Variants in KIAA1217 observed in about 807,000 individuals in gnomAD.
KIAA1217 encodes the protein sickle tail protein homolog.
In KIAA1217, 88 loss-of-function variants were observed where a neutral mutation model predicts 163.9. The observed-to-expected ratio is 0.54, with a 90% CI of 0.45 to 0.64. The LOEUF (loss-of-function observed/expected upper bound fraction) is 0.64, where lower values mean the gene tolerates loss of function less well. Ranked by LOEUF, KIAA1217 falls within the 30% of genes least tolerant of loss-of-function variation. KIAA1217 has a pLI of 0.00. For missense variants in KIAA1217, 2,372 were observed against 2,475.0 expected (o/e 0.96, Z 0.88); for synonymous variants, 903 against 923.1 (o/e 0.98, Z 0.39).
chr10:23,817,804 A>G lies in KIAA1217; in HGVS notation c.-321+122570A>G, dbSNP rs542706032. ...GTAATGCAGTTTTTGTATATGAAAT[A>G]TAGGGCCAGATGTGGTGGCTCATAC... is the stretch of plus-strand genomic sequence containing the variant. On this transcript the variant is annotated intron_variant, in intron 1 of 18. Coordinates refer to the KIAA1217 transcript ENST00000376462. Among the ~76,000 whole-genome samples, 4 of 151,426 alleles carry G rather than the reference A, an allele frequency of 2.6e-5. No individual in the cohort carries two copies. The East Asian group carries it at 7.8e-4, about 30-fold the overall frequency.
chr10:24,487,116 CCTTCTCCTT>C (rs1240056569), intron 6 of KIAA1217, among the ~76,000 whole-genome samples: 12 of 152,246 alleles, frequency 7.9e-5, no homozygotes, highest in African/African-American at 2.7e-4. Context: ...AACACTGCTC[CCTTCTCCTT>C]CTTCTTCTCC....
intron 2 of KIAA1217, among the ~76,000 whole-genome samples, chr10:24,169,787 G>A (rs2131910002): frequency 6.6e-6 from 1 of 152,094 alleles, no homozygotes; most frequent in South Asian, 2.1e-4. Context: ...GTCATCATCT[G>A]GTTTCCATGG....
Position 23,791,747 on chromosome 10 carries a change from G to A in KIAA1217, c.-321+96513G>A, listed in dbSNP as rs191645996. ...CATATTGAAAAATATCTTTTTAGTA[G>A]TTGCATTTTACAAGGCAACTGCTAG... On this transcript the variant is annotated intron_variant, in intron 1 of 18. Transcript: ENST00000376462. Among the ~76,000 whole-genome samples, 24 of 152,232 alleles carry A rather than the reference G, an allele frequency of 1.6e-4. No individual in the cohort carries two copies. In the East Asian group the frequency reaches 4.6e-3, roughly 29 times the overall value.
At chr10:24,343,681 A>G (rs2047377238) in intron 2 of KIAA1217, among the ~76,000 whole-genome samples, 1 of 152,174 alleles carries the variant, frequency 6.6e-6, no homozygotes, top group South Asian at 2.1e-4. Flanking sequence ...CATATTAAGC[A>G]TTGTTTGTGT....
intron 2 of KIAA1217, among the ~76,000 whole-genome samples, chr10:24,232,962 A>AAG (rs68176721): frequency 6.9e-6 from 1 of 145,134 alleles, no homozygotes; most frequent in Non-Finnish European, 1.5e-5. Flanking sequence ...AAAAAAAAAA[A>AAG]GAATAAAGAA....
At chr10:23,927,643 T>G (rs1238275816) in intron 1 of KIAA1217, among the ~76,000 whole-genome samples, 1 of 152,102 alleles carries the variant, frequency 6.6e-6, no homozygotes, top group Non-Finnish European at 1.5e-5. Context: ...GGTTATATAT[T>G]TTCAGGATGA....
intron 1 of KIAA1217, among the ~76,000 whole-genome samples, chr10:23,782,553 C>T (rs1488440751): frequency 6.6e-6 from 1 of 152,188 alleles, no homozygotes; most frequent in Non-Finnish European, 1.5e-5. Context: ...CTGCCTCAGT[C>T]TCCCAAGTAG....
intron 2 of KIAA1217, among the ~76,000 whole-genome samples, chr10:24,272,232 T>C (rs2076842965): frequency 6.6e-6 from 1 of 152,220 alleles, no homozygotes; most frequent in Non-Finnish European, 1.5e-5. Flanking sequence ...GTTAGGGATG[T>C]CAGTGGTGCT....
chr10:24,480,259 C>A (rs60243854), intron 6 of KIAA1217, among the ~76,000 whole-genome samples: 2,007 of 152,280 alleles, frequency 0.013, 41 homozygotes, highest in African/African-American at 0.046. Flanking sequence ...TGAAAGAATA[C>A]CCCATGTTCA....
chr10:23,708,587 G>A (rs1837035915), intron 1 of KIAA1217, among the ~76,000 whole-genome samples: 1 of 152,138 alleles, frequency 6.6e-6, no homozygotes, highest in African/African-American at 2.4e-5. Flanking sequence ...ATGCCAAGTA[G>A]AGGAGGCCCA....
intron 5 of KIAA1217, among the ~76,000 whole-genome samples, chr10:24,455,308 T>C (rs2061683698): frequency 6.6e-6 from 1 of 152,314 alleles, no homozygotes; most frequent in African/African-American, 2.4e-5. Flanking sequence ...ATATAAAAAC[T>C]ACCCAAATAT....
At chr10:24,488,026 G>C (rs968671136) in intron 6 of KIAA1217, among the ~76,000 whole-genome samples, 1 of 152,200 alleles carries the variant, frequency 6.6e-6, no homozygotes, top group East Asian at 1.9e-4. Flanking sequence ...AGACTGTTCA[G>C]ACAGTATCGA....
At chr10:24,282,337 T>A (rs2078043094) in intron 2 of KIAA1217, among the ~76,000 whole-genome samples, 1 of 152,186 alleles carries the variant, frequency 6.6e-6, no homozygotes, top group Admixed American at 6.5e-5. Context: ...ACCTCTTTTC[T>A]ATGTTGTCTT....
intron 1 of KIAA1217, among the ~76,000 whole-genome samples, chr10:23,716,029 A>C (rs1053358531): frequency 1.3e-5 from 2 of 152,196 alleles, no homozygotes; most frequent in Admixed American, 6.6e-5. Flanking sequence ...AGCATGTTTC[A>C]GTCTTGAAAG....
chr10:24,486,034 C>G (rs2065351958), intron 6 of KIAA1217, among the ~76,000 whole-genome samples: 1 of 152,212 alleles, frequency 6.6e-6, no homozygotes. Flanking sequence ...TTTGGACACC[C>G]AGACCCAGAG....
chr10:23,943,877 A>G (rs1843890763), intron 1 of KIAA1217, among the ~76,000 whole-genome samples: 2 of 152,238 alleles, frequency 1.3e-5, no homozygotes, highest in Non-Finnish European at 2.9e-5. Flanking sequence ...AAACAACTGG[A>G]TACACAATGA....
At chr10:24,333,286 A>C (rs914773099) in intron 2 of KIAA1217, among the ~76,000 whole-genome samples, 7 of 152,132 alleles carry the variant, frequency 4.6e-5, no homozygotes, top group Admixed American at 4.6e-4. Flanking sequence ...CAGCCTCCCA[A>C]AGTGCTGGGA....
At chr10:24,279,198 C>G (rs1389131018) in intron 2 of KIAA1217, among the ~76,000 whole-genome samples, 1 of 151,122 alleles carries the variant, frequency 6.6e-6, no homozygotes, top group Non-Finnish European at 1.5e-5. Flanking sequence ...TGCAGGGATT[C>G]CCCATTGTTT....
At chr10:24,477,447 A>T (rs977593753) in intron 6 of KIAA1217, among the ~76,000 whole-genome samples, 1 of 152,250 alleles carries the variant, frequency 6.6e-6, no homozygotes, top group Non-Finnish European at 1.5e-5. Context: ...TACATATTCC[A>T]TGCTGTTTAC....
Sources: allele counts gnomAD v4.1 joint callset (sites outside exome capture counted in the v4.1 genomes callset), GRCh38; gene constraint gnomAD v4.1.1; transcripts MANE v1.5; gene names NCBI Gene and HGNC (gene_info 2026-07-23, HGNC 2026-07-21).